Variants in SRPK2 observed in about 807,000 individuals in gnomAD.
SRPK2 encodes SRSF protein kinase 2.
In SRPK2, 21 loss-of-function variants were observed where a neutral mutation model predicts 90.8. That is an observed-to-expected ratio of 0.23 (90% CI 0.16 to 0.33). The LOEUF (loss-of-function observed/expected upper bound fraction) is 0.33, where lower values mean the gene tolerates loss of function less well. SRPK2 is among the 10% of genes least tolerant of loss of function. The pLI, the probability that SRPK2 is intolerant of heterozygous loss-of-function variation, is 1.00. For synonymous variants in SRPK2, 288 were observed against 311.1 expected (o/e 0.93, Z 0.78); for missense variants, 620 against 869.0 (o/e 0.71, Z 3.60).
intron 15 of SRPK2, among the ~76,000 whole-genome samples, chr7:105,123,131 C>T (rs1302199049): frequency 6.6e-6 from 1 of 152,136 alleles, no homozygotes; most frequent in Non-Finnish European, 1.5e-5. Flanking sequence ...CCTATCAACA[C>T]AGTAGTTTCT....
At chr7:105,220,873 C>A (rs1313693100) in intron 2 of SRPK2, among the ~76,000 whole-genome samples, 1 of 152,012 alleles carries the variant, frequency 6.6e-6, no homozygotes, top group Non-Finnish European at 1.5e-5. Flanking sequence ...TTTCCCTTTA[C>A]AATAGTCTAA....
intron 2 of SRPK2, among the ~76,000 whole-genome samples, chr7:105,289,645 T>C (rs1326315550): frequency 6.6e-6 from 1 of 152,240 alleles, no homozygotes; most frequent in Non-Finnish European, 1.5e-5. Context: ...ATTCTATCCA[T>C]ACCCAACATT....
intron 2 of SRPK2, among the ~76,000 whole-genome samples, chr7:105,322,617 T>C (rs1204060): frequency 0.73 from 110,444 of 151,944 alleles, 40,673 homozygotes; most frequent in African/African-American, 0.84. Flanking sequence ...GTAGAGTTTC[T>C]TACTGGGGTG....
rs1585322718 is a variant in SRPK2, at chr7:105,243,638, A to C, written c.72-39853T>G. ...AGAGAGAGACTCCATCTCAAAAAAAAAAAAAAAAAAAACCACATGCCAAGC... is the reference window on the plus strand; with the variant it reads ...AGAGAGAGACTCCATCTCAAAAAAACAAAAAAAAAAAACCACATGCCAAGC... On this transcript the variant is annotated intron_variant, in intron 2 of 15. Transcript: ENST00000393651. Among the ~76,000 whole-genome samples the C allele has an allele frequency of 6.6e-5, 10 of 150,626 alleles. No individual in the cohort carries two copies. The South Asian group carries it at 2.1e-3, about 32-fold the overall frequency.
At chr7:105,219,934 C>A (rs1201728117) in intron 2 of SRPK2, among the ~76,000 whole-genome samples, 1 of 152,192 alleles carries the variant, frequency 6.6e-6, no homozygotes, top group East Asian at 1.9e-4. Context: ...GCTAATGACT[C>A]AGCCACAAAC....
chr7:105,326,798 A>G (rs1227120252), intron 2 of SRPK2, among the ~76,000 whole-genome samples: 1 of 152,190 alleles, frequency 6.6e-6, no homozygotes, highest in Non-Finnish European at 1.5e-5. Context: ...GCGGTGGCTC[A>G]CGCCTGTAAT....
intron 15 of SRPK2, chr7:105,125,933 G>A (rs1584872392): frequency 1.1e-6 from 1 of 909,112 alleles, no homozygotes; most frequent in Non-Finnish European, 1.6e-6. Flanking sequence ...TCAGTACACT[G>A]CATGCAGACA....
intron 2 of SRPK2, among the ~76,000 whole-genome samples, chr7:105,297,063 G>C (rs957050929): frequency 2.6e-5 from 4 of 152,132 alleles, no homozygotes; most frequent in African/African-American, 9.7e-5. Flanking sequence ...AGAATACTTA[G>C]TGAACTCCCC....
intron 9 of SRPK2, among the ~76,000 whole-genome samples, chr7:105,144,704 T>C (rs1053955088): frequency 6.6e-6 from 1 of 152,162 alleles, no homozygotes; most frequent in Admixed American, 6.5e-5. Context: ...ATACTTCAAC[T>C]CCATCACCTC....
chr7:105,185,337 A>C (rs1036329599), intron 3 of SRPK2, among the ~76,000 whole-genome samples: 8 of 152,048 alleles, frequency 5.3e-5, no homozygotes, highest in African/African-American at 1.7e-4. Flanking sequence ...ATAACTCAGA[A>C]AACAGCTCTC....
At chr7:105,375,268 A>C (rs955643670) in intron 2 of SRPK2, among the ~76,000 whole-genome samples, 1 of 152,212 alleles carries the variant, frequency 6.6e-6, no homozygotes, top group African/African-American at 2.4e-5. Flanking sequence ...CAATACTGAG[A>C]TAGGGACTTG....
chr7:105,177,573 G>A (rs1792138046), intron 3 of SRPK2, among the ~76,000 whole-genome samples: 1 of 152,118 alleles, frequency 6.6e-6, no homozygotes, highest in Non-Finnish European at 1.5e-5. Context: ...ATGTGTCAAT[G>A]GAGGTTTACC....
At chr7:105,143,544 C>T in intron 9 of SRPK2, 1 of 603,714 alleles carries the variant, frequency 1.7e-6, no homozygotes, top group African/African-American at 1.9e-5. Context: ...GGTCTACTAC[C>T]AGGTCCTGCC....
At chr7:105,398,818 A>G (rs1190722120) in intron 1 of SRPK2, among the ~76,000 whole-genome samples, 1 of 152,200 alleles carries the variant, frequency 6.6e-6, no homozygotes, top group African/African-American at 2.4e-5. Context: ...TAGTTCTGCC[A>G]TTATTTACCT....
intron 2 of SRPK2, among the ~76,000 whole-genome samples, chr7:105,326,801 C>T (rs960438143): frequency 2.6e-5 from 4 of 152,194 alleles, no homozygotes; most frequent in African/African-American, 4.8e-5. Flanking sequence ...GTGGCTCACG[C>T]CTGTAATCCC....
At chr7:105,210,748 C>G (rs1184792723) in intron 2 of SRPK2, among the ~76,000 whole-genome samples, 1 of 152,158 alleles carries the variant, frequency 6.6e-6, no homozygotes, top group Non-Finnish European at 1.5e-5. Context: ...ACACCAGTCC[C>G]TAAAAGCAGA....
In SRPK2 at chr7:105,261,216, G is replaced by A. The variant is rs528797874; in HGVS notation, c.72-57431C>T. ...AAATAAATGTAACAATAAGCTGTGCGCTTTTATGGTGACAGAAAAATCTGG... is the reference window on the plus strand; with the variant it reads ...AAATAAATGTAACAATAAGCTGTGCACTTTTATGGTGACAGAAAAATCTGG... On this transcript the variant is annotated intron_variant, in intron 2 of 15. Coordinates refer to ENST00000393651, the MANE Select transcript of SRPK2 (RefSeq NM_182692.3). Among the ~76,000 whole-genome samples the A allele has an allele frequency of 7.0e-4, 106 of 152,146 alleles. No homozygotes were observed. In the South Asian group the frequency reaches 7.7e-3, roughly 11 times the overall value.
Position 105,396,001 on chromosome 7 carries a change from C to T in SRPK2, n.153+3155G>A, listed in dbSNP as rs536682769. ...CATGATGTCGGCTCACCGCAACCTC[C>T]GCCTCCCAGGTTCAAGCGATTCTCC... On this transcript the variant is annotated intron_variant and non_coding_transcript_variant, in intron 1 of 3. Coordinates refer to the SRPK2 transcript ENST00000462282. 3.7e-3 allele frequency among the ~76,000 whole-genome samples: 565 copies of T among 152,116 alleles called. 3 individuals are homozygous for T. The highest frequency in any genetic ancestry group is 0.013 in the African/African-American group (530 of 41,506).
intron 3 of SRPK2, among the ~76,000 whole-genome samples, chr7:105,184,235 T>A (rs929961804): frequency 3.3e-5 from 5 of 152,140 alleles, no homozygotes; most frequent in Non-Finnish European, 7.4e-5. Flanking sequence ...CACCTTGGCC[T>A]CTCAAAGTGC....
Sources: allele counts gnomAD v4.1 joint callset (sites outside exome capture counted in the v4.1 genomes callset), GRCh38; gene constraint gnomAD v4.1.1; transcripts MANE v1.5; gene names NCBI Gene and HGNC (gene_info 2026-07-23, HGNC 2026-07-21).